The following NUP54 variants were observed in gnomAD, a reference collection of about 807,000 sequenced individuals.
NUP54 encodes the protein nucleoporin p54.
A neutral mutation model predicts 66.4 loss-of-function variants in NUP54; 27 were observed. That is an observed-to-expected ratio of 0.41 (90% CI 0.30 to 0.56). NUP54 has a LOEUF of 0.56. NUP54 is among the 20% of genes least tolerant of loss of function. The pLI is 0.34. For missense variants in NUP54, 486 were observed against 596.3 expected (o/e 0.82, Z 1.93); for synonymous variants, 206 against 210.7 (o/e 0.98, Z 0.19).
chr4:76,119,718 G>C (rs1339699178), intron 9 of NUP54, among the ~76,000 whole-genome samples: 2 of 151,926 alleles, frequency 1.3e-5, no homozygotes, highest in East Asian at 1.9e-4. Context: ...TCGGGGGAAA[G>C]GGTCTAAAGC....
intron 3 of NUP54, among the ~76,000 whole-genome samples, chr4:76,139,334 T>C (rs961561807): frequency 6.6e-6 from 1 of 152,194 alleles, no homozygotes; most frequent in Non-Finnish European, 1.5e-5. Flanking sequence ...TGACGTGATA[T>C]GAAGCACACA....
chr4:76,141,165 G>A (rs112620154), intron 3 of NUP54, among the ~76,000 whole-genome samples: 16 of 136,534 alleles, frequency 1.2e-4, no homozygotes, highest in African/African-American at 5.0e-4. Flanking sequence ...ATACATGGAC[G>A]GGCATCTCTA....
Position 76,134,194 on chromosome 4 carries a change from T to C in NUP54, c.691A>G (p.Lys231Glu). The change falls in exon 5 of 12, where the codon AAA becomes GAA. Residue 231 changes from lysine (K) to glutamate (E), a missense_variant. Physicochemically the swap from Lys to Glu is moderately conservative, Grantham distance 56. Around this residue, in one of 4 missense-constraint regions of NUP54, gnomAD observed 217 missense variants for 247.9 expected, o/e 0.88. Transcript: ENST00000264883. ...ACTTACTGATCATCTGGCAATGTTT[T>C]AGTGCCCTCTACATTTACAGTAAGG... ...QTLTVNVEGT[K>E]TLPDDQTEVV... 2 of 1,611,594 alleles carry C rather than the reference T, an allele frequency of 1.2e-6. No individual in the cohort carries two copies. Among genetic ancestry groups the C allele is most frequent in the Non-Finnish European group, 1.7e-6 (2 of 1,178,052 alleles).
intron 6 of NUP54, among the ~76,000 whole-genome samples, chr4:76,131,899 G>A (rs1435677499): frequency 6.6e-6 from 1 of 152,006 alleles, no homozygotes; most frequent in African/African-American, 2.4e-5. Flanking sequence ...TTAAGTAAAG[G>A]TGTATCCATG....
chr4:76,145,875 C>T (rs149483294), intron 1 of NUP54: 16 of 273,324 alleles, frequency 5.9e-5, no homozygotes, highest in African/African-American at 3.4e-4. Context: ...TGGAAAACTA[C>T]TCAAGAGTAA....
chr4:76,140,813 AC>A (rs1731238198), intron 3 of NUP54, among the ~76,000 whole-genome samples: 1 of 152,232 alleles, frequency 6.6e-6, no homozygotes, highest in African/African-American at 2.4e-5. Context: ...AGCAATATCT[AC>A]ACAGACAGTT....
chr4:76,139,069 T>C (rs530994353), intron 3 of NUP54, among the ~76,000 whole-genome samples: 2 of 152,192 alleles, frequency 1.3e-5, no homozygotes, highest in Admixed American at 6.5e-5. Context: ...GCCTTTACTA[T>C]ACAAACTGTA....
At chr4:76,136,457 AAACTT>A (rs1194615383) in intron 3 of NUP54, 45 bp from the exon 4 acceptor site, 1 of 1,523,414 alleles carries the variant, frequency 6.6e-7, no homozygotes, top group African/African-American at 1.4e-5. Flanking sequence ...AAACAAAACA[AAACTT>A]AATCCAGATC....
At chr4:76,141,564 A>T (rs1230825458) in intron 3 of NUP54, among the ~76,000 whole-genome samples, 2 of 151,892 alleles carry the variant, frequency 1.3e-5, no homozygotes, top group Non-Finnish European at 2.9e-5. Context: ...CTACAAGTTA[A>T]ATCTCTCTCA....
chr4:76,125,804 A>AGGGAGG (rs1730502283), intron 8 of NUP54, among the ~76,000 whole-genome samples: 2 of 45,566 alleles, frequency 4.4e-5, no homozygotes, highest in African/African-American at 1.0e-4. Context: ...GGAGAGGGAG[A>AGGGAGG]GAGAGGGAGA....
In NUP54 at chr4:76,145,485, A is replaced by C. The variant is rs893685281; in HGVS notation, c.68-1012T>G. 2.2e-5 allele frequency: 19 copies of C among 851,830 alleles called. 1 individual carries two copies. In the Admixed American group the frequency reaches 8.0e-4, roughly 36 times the overall value. 52.8% of individuals were successfully genotyped at this position (851,830 alleles called of 1,614,324 possible). A position where few individuals can be genotyped will look rare whatever the true frequency, so the allele number is the denominator to read the frequency against. On this transcript the variant is annotated intron_variant, in intron 1 of 11. Coordinates refer to ENST00000264883, the MANE Select transcript of NUP54 (RefSeq NM_017426.4). ...TGGTGAATTAATTTATGTCTAAATTAACTTATATTTCTACTTAGTCTCTGT... is the reference window on the plus strand; with the variant it reads ...TGGTGAATTAATTTATGTCTAAATTCACTTATATTTCTACTTAGTCTCTGT...
In NUP54 at chr4:76,144,226, G is replaced by T. The variant is rs148936429; in HGVS notation, c.218C>A (p.Thr73Asn). 170 of 1,613,586 alleles carry T rather than the reference G, an allele frequency of 1.1e-4. No individual in the cohort carries two copies. The highest frequency in any genetic ancestry group is 1.4e-4 in the Non-Finnish European group (160 of 1,179,762). ...CAAACCAGTACCTAAACCAGTACTAGTTCCCGTTGTTGTGCCAAAACCAGT... is the reference window on the plus strand; with the variant it reads ...CAAACCAGTACCTAAACCAGTACTATTTCCCGTTGTTGTGCCAAAACCAGT... ...FGTGFGTTTGTSTGLGTGLGT... is the reference protein window; with the variant it reads ...FGTGFGTTTGNSTGLGTGLGT... Residue 73 changes from threonine (T) to asparagine (N), a missense_variant, in exon 3 of 12, where the codon ACT becomes AAT. Physicochemically the swap from Thr to Asn is moderately conservative, Grantham distance 65 (BLOSUM62 0). Transcript: ENST00000264883.
rs1168422464 is a variant in NUP54 at position 76,124,683 on chromosome 4, C to G, written c.1130G>C (p.Arg377Thr). 1.3e-6 allele frequency: 2 copies of G among 1,585,492 alleles called. No individual in the cohort carries two copies. The highest frequency in any genetic ancestry group is 1.7e-6 in the Non-Finnish European group (2 of 1,162,568). Residue 377 changes from arginine to threonine, a missense_variant, in exon 9 of 12, where the codon AGG becomes ACG. Transcript: ENST00000264883. Reference protein sequence around the residue: ...TSVAKIAQYKRKLMDLSHRTL... With the variant: ...TSVAKIAQYKTKLMDLSHRTL... ...TCTATGGGAAAGATCCATGAGTTTC[C>G]TCTTGTATTGTGCAATTTTGGCTAC...
intron 9 of NUP54, 200 bp from the exon 10 acceptor site, chr4:76,118,394 T>A (rs1374166877): frequency 1.9e-6 from 1 of 539,530 alleles, no homozygotes; most frequent in African/African-American, 1.9e-5. Context: ...TAGACTTAAT[T>A]GTTTTTTTTG....
At chr4:76,116,761 C>A (rs780015743) in intron 11 of NUP54, among the ~76,000 whole-genome samples, 1 of 152,128 alleles carries the variant, frequency 6.6e-6, no homozygotes, top group African/African-American at 2.4e-5. Flanking sequence ...AGATTGAGTA[C>A]GTCTGGAGTA....
intron 11 of NUP54, among the ~76,000 whole-genome samples, chr4:76,116,823 C>A (rs1729972069): frequency 1.3e-5 from 2 of 152,158 alleles, no homozygotes; most frequent in African/African-American, 4.8e-5. Flanking sequence ...CTACTACCTA[C>A]ACTTTAAGGA....
intron 3 of NUP54, among the ~76,000 whole-genome samples, chr4:76,138,924 C>T (rs1405852081): frequency 2.0e-5 from 3 of 152,176 alleles, no homozygotes; most frequent in African/African-American, 7.2e-5. Flanking sequence ...AAAGCCCATG[C>T]ATTCAAAATG....
Position 76,134,214 on chromosome 4 carries a change from G to T in NUP54, c.671C>A (p.Thr224Asn). The change falls in exon 5 of 12, where the codon ACT becomes AAT. Residue 224 changes from threonine to asparagine, a missense_variant. Around this residue, in one of 4 missense-constraint regions of NUP54, gnomAD observed 217 missense variants for 247.9 expected, o/e 0.88. Coordinates refer to ENST00000264883, the MANE Select transcript of NUP54 (RefSeq NM_017426.4). The stretch of plus-strand genomic sequence containing the variant: ...TGTTTTAGTGCCCTCTACATTTACA[G>T]TAAGGGTCTGGTTTCCTCCCAAAAC... ...HKVLGGNQTL[T>N]VNVEGTKTLP... 1 of 1,613,486 alleles carries T rather than the reference G, an allele frequency of 6.2e-7. No homozygotes were observed. The highest frequency in any genetic ancestry group is 8.5e-7 in the Non-Finnish European group (1 of 1,179,552).
Position 76,145,612 on chromosome 4 carries a change from C to T in NUP54, c.68-1139G>A, listed in dbSNP as rs1055131956. On this transcript the variant is annotated intron_variant, in intron 1 of 11. Coordinates refer to ENST00000264883, the MANE Select transcript of NUP54 (RefSeq NM_017426.4). ...AGAGATTTGACAGATAAATGGAATGCTAGCCAATCTAAAATTGTTTTGTTA... is the reference window on the plus strand; with the variant it reads ...AGAGATTTGACAGATAAATGGAATGTTAGCCAATCTAAAATTGTTTTGTTA... 6.4e-6 allele frequency: 8 copies of T among 1,242,246 alleles called. No homozygotes were observed. The African/African-American group carries it at 1.3e-4, about 19-fold the overall frequency. The allele number at this position is 1,242,246 out of a possible 1,614,324, so 77.0% of individuals were successfully genotyped here.
Sources: gnomAD v4.1 joint callset for allele counts (sites outside exome capture counted in the v4.1 genomes callset) on GRCh38, gnomAD v4.1.1 for gene constraint, gnomAD v4.1.1 regional missense constraint, MANE v1.5 for transcripts, NCBI Gene and HGNC (gene_info 2026-07-23, HGNC 2026-07-21) for gene names.